Variants in ANKS1B observed in about 807,000 individuals in gnomAD.
ANKS1B encodes ankyrin repeat and sterile alpha motif domain containing 1B, also known as ankyrin repeat and sterile alpha motif domain-containing protein 1B.
A neutral mutation model predicts 148.3 loss-of-function variants in ANKS1B; 36 were observed. That is an observed-to-expected ratio of 0.24 (90% CI 0.19 to 0.32). The LOEUF is 0.32. Ranked by LOEUF, ANKS1B falls within the 10% of genes least tolerant of loss-of-function variation. The probability of loss-of-function intolerance (pLI) is 1.00; values close to 1 mark genes in which losing one functional copy is unlikely to be tolerated. For synonymous variants in ANKS1B, 542 were observed against 560.8 expected (o/e 0.97, Z 0.47); for missense variants, 1,157 against 1,542.6 (o/e 0.75, Z 4.19).
chr12:99,262,437 T>A (rs1249924890), intron 12 of ANKS1B, among the ~76,000 whole-genome samples: 1 of 152,044 alleles, frequency 6.6e-6, no homozygotes, highest in Non-Finnish European at 1.5e-5. Context: ...GATATCAACA[T>A]AGCTAAATGT....
Position 99,663,856 on chromosome 12 carries a change from G to A in ANKS1B, c.1129-8646C>T, listed in dbSNP as rs574873331. ...TGAGACATTACAATTCCTCTGAAAC[G>A]CTTAGTTCCAACACATTATGTTCCT... On this transcript the variant is annotated intron_variant, in intron 8 of 26. Coordinates refer to ENST00000683438, the MANE Select transcript of ANKS1B (RefSeq NM_001352186.2). Among the ~76,000 whole-genome samples the A allele has an allele frequency of 1.4e-4, 21 of 152,152 alleles. No homozygotes were observed. The East Asian group carries it at 2.1e-3, about 15-fold the overall frequency.
At chr12:99,648,813 G>A in intron 9 of ANKS1B, 1 of 1,594,184 alleles carries the variant, frequency 6.3e-7, no homozygotes, top group Non-Finnish European at 8.6e-7. Context: ...GAGACTAGAT[G>A]GGGCCTGGAT....
intron 15 of ANKS1B, among the ~76,000 whole-genome samples, chr12:99,096,829 G>C (rs919277185): frequency 6.6e-6 from 1 of 152,130 alleles, no homozygotes; most frequent in Non-Finnish European, 1.5e-5. Context: ...CAAGTTAAAG[G>C]TTCTGAGTTT....
At chr12:99,749,566 GAT>G (rs2060915743) in intron 8 of ANKS1B, among the ~76,000 whole-genome samples, 1 of 152,036 alleles carries the variant, frequency 6.6e-6, no homozygotes, top group Admixed American at 6.6e-5. Context: ...CAGAAAATAA[GAT>G]ATGGCAGAAA....
intron 10 of ANKS1B, among the ~76,000 whole-genome samples, chr12:99,496,183 A>G (rs1266968012): frequency 6.6e-6 from 1 of 152,232 alleles, no homozygotes; most frequent in Non-Finnish European, 1.5e-5. Flanking sequence ...ATAGTATACA[A>G]AGCCTGTACT....
intron 9 of ANKS1B, among the ~76,000 whole-genome samples, chr12:99,572,621 A>G (rs749895939): frequency 4.6e-5 from 7 of 152,242 alleles, no homozygotes; most frequent in Middle Eastern, 3.4e-3. Flanking sequence ...CTTGTGGGCT[A>G]TTCAGCAGGG....
At chr12:99,457,164 G>A (rs187020144) in intron 10 of ANKS1B, among the ~76,000 whole-genome samples, 1 of 152,040 alleles carries the variant, frequency 6.6e-6, no homozygotes, top group African/African-American at 2.4e-5. Context: ...AAACTAAGCT[G>A]CATAAATGAA....
chr12:99,227,379 C>A (rs2086115857), intron 14 of ANKS1B, among the ~76,000 whole-genome samples: 1 of 152,164 alleles, frequency 6.6e-6, no homozygotes, highest in South Asian at 2.1e-4. Context: ...TCCTGTAAAG[C>A]CTGCAGAACC....
At chr12:98,979,103 C>G (rs1353445926) in intron 17 of ANKS1B, among the ~76,000 whole-genome samples, 5 of 151,374 alleles carry the variant, frequency 3.3e-5, no homozygotes, top group African/African-American at 1.2e-4. Context: ...GATTGCGCCA[C>G]TGCACTCTAG....
At chr12:98,809,024 G>A (rs1011078581) in intron 19 of ANKS1B, among the ~76,000 whole-genome samples, 14 of 152,052 alleles carry the variant, frequency 9.2e-5, no homozygotes, top group Admixed American at 5.2e-4. Context: ...CCCCAGAAAC[G>A]CTCACCAGCA....
rs993644749 is a variant in ANKS1B at position 98,850,616 on chromosome 12, C to T, written c.2779-18480G>A. 5.9e-5 allele frequency among the ~76,000 whole-genome samples: 9 copies of T among 151,898 alleles called. No individual in the cohort carries two copies. In the East Asian group the frequency reaches 9.7e-4, roughly 16 times the overall value. Reference sequence around the variant, plus strand: ...CTGAGTAGCTGGGACTACTGGCACACGCCGCCACGCTCAGCTAATTTTTTG... The same window carrying T: ...CTGAGTAGCTGGGACTACTGGCACATGCCGCCACGCTCAGCTAATTTTTTG... On this transcript the variant is annotated intron_variant, in intron 17 of 26. Coordinates refer to ENST00000683438, the MANE Select transcript of ANKS1B (RefSeq NM_001352186.2).
At chr12:99,540,447 T>A (rs778326604) in intron 9 of ANKS1B, among the ~76,000 whole-genome samples, 10 of 152,168 alleles carry the variant, frequency 6.6e-5, no homozygotes, top group Non-Finnish European at 1.3e-4. Context: ...ACATTTTAAA[T>A]GTTTTATGTC....
intron 17 of ANKS1B, among the ~76,000 whole-genome samples, chr12:99,037,348 T>C (rs1361558824): frequency 6.6e-6 from 1 of 151,976 alleles, no homozygotes; most frequent in African/African-American, 2.4e-5. Flanking sequence ...AACCCCATCT[T>C]GACTAAAAAT....
intron 12 of ANKS1B, among the ~76,000 whole-genome samples, chr12:99,301,553 A>T (rs991064938): frequency 6.6e-6 from 1 of 152,192 alleles, no homozygotes; most frequent in African/African-American, 2.4e-5. Flanking sequence ...TTTACCACTC[A>T]TTCATTCATT....
intron 17 of ANKS1B, chr12:98,893,743 C>T (rs2099757573): frequency 6.6e-6 from 1 of 152,304 alleles, no homozygotes; most frequent in Admixed American, 6.5e-5. Flanking sequence ...CAAACTCACA[C>T]CTCAGTTGCT....
At chr12:99,182,878 T>C (rs1003081990) in intron 14 of ANKS1B, among the ~76,000 whole-genome samples, 3 of 152,224 alleles carry the variant, frequency 2.0e-5, no homozygotes, top group African/African-American at 4.8e-5. Flanking sequence ...TGATATCTCA[T>C]TGTGGTTCTG....
intron 17 of ANKS1B, among the ~76,000 whole-genome samples, chr12:98,873,164 C>G (rs2099676638): frequency 6.6e-6 from 1 of 152,212 alleles, no homozygotes; most frequent in African/African-American, 2.4e-5. Context: ...ATAAACCCAC[C>G]TCTGGCACAG....
chr12:99,844,592 T>C (rs1169645978), intron 1 of ANKS1B, among the ~76,000 whole-genome samples: 1 of 152,190 alleles, frequency 6.6e-6, no homozygotes, highest in Non-Finnish European at 1.5e-5. Context: ...TCCATTGGCC[T>C]GTGTGTCTGT....
chr12:99,842,461 C>T (rs908402329), intron 1 of ANKS1B, among the ~76,000 whole-genome samples: 1 of 152,092 alleles, frequency 6.6e-6, no homozygotes, highest in African/African-American at 2.4e-5. Context: ...TGTAAAATAG[C>T]AAGAGCTCTG....
Sources: allele counts gnomAD v4.1 joint callset (sites outside exome capture counted in the v4.1 genomes callset), GRCh38; gene constraint gnomAD v4.1.1; transcripts MANE v1.5; gene names NCBI Gene and HGNC (gene_info 2026-07-23, HGNC 2026-07-21).